Variants in WNK3 observed in about 807,000 individuals in gnomAD.
WNK3 encodes the protein serine/threonine-protein kinase WNK3.
A neutral mutation model predicts 116.7 loss-of-function variants in WNK3; 18 were observed. The ratio of observed to expected loss-of-function variants is 0.15; its 90% CI spans 0.11 to 0.23. The LOEUF is 0.23. WNK3 is among the 10% of genes least tolerant of loss of function. WNK3 has a pLI of 1.00. For synonymous variants in WNK3, 404 were observed against 469.4 expected (o/e 0.86, Z 1.80); for missense variants, 993 against 1,323.8 (o/e 0.75, Z 3.88).
chrX:54,274,823 T>C (rs1557160263), intron 10 of WNK3, among the ~76,000 whole-genome samples: 2 of 109,382 alleles, frequency 1.8e-5, no homozygotes, highest in African/African-American at 6.7e-5. Flanking sequence ...CTGGGCAATA[T>C]AGCAAGACTC....
chrX:54,208,265 C>A (rs1173375077), intron 22 of WNK3, among the ~76,000 whole-genome samples: 1 of 110,587 alleles, frequency 9.0e-6, no homozygotes, highest in South Asian at 3.9e-4. Context: ...GCTGGGACTA[C>A]AGGTGCCCGC....
chrX:54,216,369 C>A (rs1348382799), intron 22 of WNK3, among the ~76,000 whole-genome samples: 8 of 108,368 alleles, frequency 7.4e-5, no homozygotes, highest in Non-Finnish European at 1.3e-4. Flanking sequence ...GATTTGATTT[C>A]ACTCAAAGCT....
intron 10 of WNK3, among the ~76,000 whole-genome samples, chrX:54,259,740 T>A (rs2068236501): frequency 9.0e-6 from 1 of 111,645 alleles, no homozygotes; most frequent in Admixed American, 9.6e-5. Context: ...AGTCTGTCTG[T>A]CTGTCTCTCA....
intron 10 of WNK3, among the ~76,000 whole-genome samples, chrX:54,270,934 G>A (rs1557159165): frequency 9.0e-6 from 1 of 111,266 alleles, no homozygotes; most frequent in Non-Finnish European, 1.9e-5. Flanking sequence ...ATGGCTGCAC[G>A]CCTGGCTAAT....
chrX:54,296,360 G>A (rs367666367), intron 7 of WNK3, among the ~76,000 whole-genome samples: 2 of 110,717 alleles, frequency 1.8e-5, no homozygotes, highest in African/African-American at 3.3e-5. Context: ...AGATTATCTC[G>A]GTGAATCTTT....
At chrX:54,228,118 C>T (rs965164668) in intron 22 of WNK3, among the ~76,000 whole-genome samples, 10 of 110,936 alleles carry the variant, frequency 9.0e-5, no homozygotes, top group Admixed American at 2.9e-4. Flanking sequence ...TGGGCTCAAG[C>T]AATCCTCCTG....
In WNK3 at chrX:54,334,801, A is replaced by C. The variant is rs149207601; in HGVS notation, c.-119-1009T>G. Reference sequence around the variant, plus strand: ...AAGACTCAAAACCACGTATTCTTTTAAACTAGCAATTCTACTTATAGGAAC... The same window carrying C: ...AAGACTCAAAACCACGTATTCTTTTCAACTAGCAATTCTACTTATAGGAAC... On this transcript the variant is annotated intron_variant, in intron 1 of 23. Transcript: ENST00000354646. Among the ~76,000 whole-genome samples the C allele has an allele frequency of 1.3e-3, 146 of 112,528 alleles. 1 individual carries two copies. Among genetic ancestry groups the C allele is most frequent in the African/African-American group, 4.6e-3 (142 of 31,088 alleles).
intron 2 of WNK3, among the ~76,000 whole-genome samples, chrX:54,321,703 T>C (rs952038762): frequency 3.6e-5 from 4 of 111,319 alleles, no homozygotes; most frequent in Non-Finnish European, 7.5e-5. Flanking sequence ...CTCACACCTG[T>C]AATCCCAACA....
intron 10 of WNK3, among the ~76,000 whole-genome samples, chrX:54,276,331 T>C (rs1472976107): frequency 9.2e-6 from 1 of 108,829 alleles, no homozygotes; most frequent in Non-Finnish European, 1.9e-5. Flanking sequence ...CGAGACTCTG[T>C]CTCAAAAACA....
At chrX:54,347,610 A>T (rs1354219444) in intron 1 of WNK3, among the ~76,000 whole-genome samples, 2 of 108,404 alleles carry the variant, frequency 1.8e-5, no homozygotes, top group Non-Finnish European at 3.8e-5. Context: ...TGATTGTGCC[A>T]CTACACTCCA....
intron 2 of WNK3, among the ~76,000 whole-genome samples, chrX:54,324,533 T>C (rs2069074947): frequency 8.9e-6 from 1 of 112,535 alleles, no homozygotes; most frequent in African/African-American, 3.2e-5. Flanking sequence ...TGGTTTATAT[T>C]TAATAAAGTT....
exon 24 of WNK3, chrX:54,198,355 T>A: frequency 8.3e-7 from 1 of 1,207,262 alleles, no homozygotes; most frequent in Non-Finnish European, 1.1e-6. Flanking sequence ...TGTGGCAGGA[T>A]TCTGCACTGA....
chrX:54,209,592 C>A (rs782497214), intron 22 of WNK3, among the ~76,000 whole-genome samples: 47 of 89,832 alleles, frequency 5.2e-4, no homozygotes, highest in Non-Finnish European at 8.8e-4. Context: ...GCTCTGTCAC[C>A]CAGGCTGGAG....
intron 22 of WNK3, among the ~76,000 whole-genome samples, chrX:54,203,089 C>T (rs879977481): frequency 2.7e-5 from 3 of 111,546 alleles, no homozygotes; most frequent in South Asian, 3.7e-4. Flanking sequence ...TTTCTGTTTA[C>T]GATTTAAAAA....
rs368547771 is a variant in WNK3 at position 54,311,004 on chromosome X, T to C, written c.710+115A>G. Reference sequence around the variant, plus strand: ...GTGCTGGGATTACAGGTGTAGCCACTGCGCCTGGCCAGATTCTAAAAATTC... The same window carrying C: ...GTGCTGGGATTACAGGTGTAGCCACCGCGCCTGGCCAGATTCTAAAAATTC... On this transcript the variant is annotated intron_variant, in intron 3 of 23. Coordinates refer to ENST00000354646, the Ensembl canonical transcript of WNK3. 3.2e-5 allele frequency: 17 copies of C among 529,683 alleles called. No homozygotes were observed. The East Asian group carries it at 5.5e-4, about 17-fold the overall frequency. The allele number at this position is 529,683 out of a possible 1,213,427, so 43.7% of individuals were successfully genotyped here. A position where few individuals can be genotyped will look rare whatever the true frequency, so the allele number is the denominator to read the frequency against.
intron 21 of WNK3, among the ~76,000 whole-genome samples, chrX:54,230,303 A>G (rs925857387): frequency 3.6e-5 from 4 of 111,744 alleles, no homozygotes; most frequent in Admixed American, 9.6e-5. Flanking sequence ...AATTATCTCA[A>G]TGAAAATTTC....
At chrX:54,263,608 C>T (rs988900486) in intron 10 of WNK3, among the ~76,000 whole-genome samples, 3 of 111,722 alleles carry the variant, frequency 2.7e-5, no homozygotes, top group Admixed American at 9.6e-5. Context: ...CCATTTCACA[C>T]TAAAAAGAAC....
At chrX:54,294,478 T>A (rs782556899) in intron 8 of WNK3, 75 bp downstream of exon 8, 1 of 840,275 alleles carries the variant, frequency 1.2e-6, no homozygotes, top group Admixed American at 4.0e-5. Context: ...CATTGACCAC[T>A]GCCCTTCAAA....
chrX:54,317,401 G>A (rs1289387650), intron 2 of WNK3, among the ~76,000 whole-genome samples: 6 of 109,896 alleles, frequency 5.5e-5, no homozygotes, highest in African/African-American at 9.9e-5. Flanking sequence ...CTTGTGATCC[G>A]CCCACCTCGG....
Sources: gnomAD v4.1 joint callset for allele counts (sites outside exome capture counted in the v4.1 genomes callset) on GRCh38, gnomAD v4.1.1 for gene constraint, MANE v1.5 for transcripts, NCBI Gene and HGNC (gene_info 2026-07-23, HGNC 2026-07-21) for gene names.